The following KLF12 variants were observed in gnomAD, a reference collection of about 807,000 sequenced individuals.
The protein encoded by KLF12 is KLF transcription factor 12.
In KLF12, 9 loss-of-function variants were observed where a neutral mutation model predicts 37.8. The ratio of observed to expected loss-of-function variants is 0.24; its 90% CI spans 0.14 to 0.42. The LOEUF is 0.42. Among genes scored for constraint, KLF12 ranks in the 10% least tolerant of loss-of-function variants. The pLI, the probability that KLF12 is intolerant of heterozygous loss-of-function variation, is 1.00. For missense variants in KLF12, 411 were observed against 516.0 expected (o/e 0.80, Z 1.97); for synonymous variants, 208 against 202.1 (o/e 1.03, Z -0.25).
the KLF12 span, among the ~76,000 whole-genome samples, chr13:74,149,103 C>T: frequency 1.3e-5 from 2 of 152,178 alleles, no homozygotes; most frequent in Admixed American, 6.5e-5. Context: ...GCACAAGCCA[C>T]CTTGCCTGGC....
the KLF12 span, among the ~76,000 whole-genome samples, chr13:74,234,482 C>T: frequency 2.0e-5 from 3 of 152,182 alleles, no homozygotes; most frequent in African/African-American, 7.2e-5. Flanking sequence ...TTGCAAATCA[C>T]ATGAAACACT....
intron 6 of KLF12, among the ~76,000 whole-genome samples, chr13:73,751,290 T>C (rs527575451): frequency 6.6e-6 from 1 of 152,294 alleles, no homozygotes; most frequent in East Asian, 1.9e-4. Flanking sequence ...ATGGTAGTTA[T>C]ATTTTTAGCT....
At chr13:73,999,256 G>A (rs567488746) in intron 1 of KLF12, among the ~76,000 whole-genome samples, 1 of 152,258 alleles carries the variant, frequency 6.6e-6, no homozygotes, top group South Asian at 2.1e-4. Context: ...GGTAGGTGGA[G>A]TCCATAAAGA....
chr13:73,825,391 G>T (rs1009435352), intron 4 of KLF12, among the ~76,000 whole-genome samples: 1 of 152,174 alleles, frequency 6.6e-6, no homozygotes, highest in East Asian at 1.9e-4. Flanking sequence ...ATTCTGTCTC[G>T]AGACAGTCCA....
At chr13:74,282,796 T>G in the KLF12 span, among the ~76,000 whole-genome samples, 3 of 152,178 alleles carry the variant, frequency 2.0e-5, no homozygotes, top group African/African-American at 7.2e-5. Flanking sequence ...ACGGTTTCAG[T>G]TCTATTAATG....
chr13:73,926,704 C>A (rs992686667), intron 3 of KLF12, among the ~76,000 whole-genome samples: 26 of 151,052 alleles, frequency 1.7e-4, no homozygotes, highest in African/African-American at 6.1e-4. Flanking sequence ...CAAACTATAT[C>A]ACTCTAACAC....
intron 1 of KLF12, among the ~76,000 whole-genome samples, chr13:74,129,128 C>G (rs567079803): frequency 6.6e-6 from 1 of 152,050 alleles, no homozygotes; most frequent in East Asian, 1.9e-4. Context: ...TGCTCAAGTC[C>G]GTTATAAAAA....
At chr13:73,972,941 T>G (rs1891390177) in intron 2 of KLF12, among the ~76,000 whole-genome samples, 1 of 151,966 alleles carries the variant, frequency 6.6e-6, no homozygotes, top group South Asian at 2.1e-4. Context: ...GTATAAACAC[T>G]TCATCATTTT....
At chr13:73,817,209 T>C (rs1284629120) in intron 4 of KLF12, among the ~76,000 whole-genome samples, 2 of 151,066 alleles carry the variant, frequency 1.3e-5, no homozygotes, top group Non-Finnish European at 3.0e-5. Context: ...TCCCAGCTAG[T>C]TGGGAGGCTG....
intron 6 of KLF12, among the ~76,000 whole-genome samples, chr13:73,752,369 T>A (rs958399052): frequency 2.7e-5 from 4 of 149,564 alleles, no homozygotes; most frequent in Admixed American, 2.7e-4. Context: ...CGGATTTTCT[T>A]CATCTCAAGA....
chr13:73,985,265 T>G (rs565464356), intron 2 of KLF12, among the ~76,000 whole-genome samples: 1 of 152,336 alleles, frequency 6.6e-6, no homozygotes, highest in South Asian at 2.1e-4. Flanking sequence ...AAACACATAC[T>G]GCTTTTGCTT....
At chr13:74,129,493 G>A (rs1878142356) in intron 1 of KLF12, among the ~76,000 whole-genome samples, 1 of 152,152 alleles carries the variant, frequency 6.6e-6, no homozygotes, top group Admixed American at 6.5e-5. Flanking sequence ...CACTGATAGT[G>A]GTGGGGAAAC....
chr13:73,938,306 GT>G (rs760499071), intron 3 of KLF12, among the ~76,000 whole-genome samples: 3 of 152,052 alleles, frequency 2.0e-5, no homozygotes, highest in Admixed American at 6.6e-5. Context: ...TAATTGTTGG[GT>G]TTTTTCCCCC....
At chr13:73,723,250 C>T (rs1876408823) in intron 6 of KLF12, among the ~76,000 whole-genome samples, 1 of 152,140 alleles carries the variant, frequency 6.6e-6, no homozygotes, top group Non-Finnish European at 1.5e-5. Context: ...TTCAAAATAG[C>T]TACTCTGTGG....
chr13:73,712,923 C>CA (rs1566312855), intron 7 of KLF12, among the ~76,000 whole-genome samples: 1 of 152,054 alleles, frequency 6.6e-6, no homozygotes, highest in African/African-American at 2.4e-5. Context: ...AATAGGGAAA[C>CA]AAAAAAATTG....
the KLF12 span, among the ~76,000 whole-genome samples, chr13:74,182,702 G>A: frequency 5.3e-5 from 8 of 152,158 alleles, no homozygotes; most frequent in Non-Finnish European, 7.3e-5. Flanking sequence ...TGGCATTCTC[G>A]TATTGGAATA....
intron 6 of KLF12, among the ~76,000 whole-genome samples, chr13:73,741,171 G>C (rs750471475): frequency 2.6e-5 from 4 of 152,082 alleles, no homozygotes; most frequent in Non-Finnish European, 5.9e-5. Context: ...TGGAACAGAA[G>C]GAAATTTGAC....
intron 4 of KLF12, among the ~76,000 whole-genome samples, chr13:73,842,626 T>A (rs1594158589): frequency 6.6e-6 from 1 of 152,244 alleles, no homozygotes; most frequent in South Asian, 2.1e-4. Flanking sequence ...AGAGACCAGA[T>A]ACGTTATACC....
the KLF12 span, among the ~76,000 whole-genome samples, chr13:74,164,838 T>C: frequency 7.9e-5 from 12 of 152,174 alleles, no homozygotes; most frequent in Non-Finnish European, 1.6e-4. Flanking sequence ...TCTCATTCAT[T>C]TGTGGGAGCT....
Sources: gnomAD v4.1 joint callset for allele counts (sites outside exome capture counted in the v4.1 genomes callset) on GRCh38, gnomAD v4.1.1 for gene constraint, MANE v1.5 for transcripts, NCBI Gene and HGNC (gene_info 2026-07-23, HGNC 2026-07-21) for gene names.